The following RBM44 variants were observed in gnomAD, a reference collection of about 807,000 sequenced individuals.
RBM44 encodes the protein RNA binding motif protein 44.
RBM44 carries 66 observed loss-of-function variants against 105.1 expected under a neutral mutation model. That is an observed-to-expected ratio of 0.63 (90% CI 0.52 to 0.77). RBM44 has a LOEUF of 0.77. RBM44 is among the 30% of genes least tolerant of loss of function. RBM44 has a pLI of 0.00. For synonymous variants in RBM44, 365 were observed against 417.6 expected (o/e 0.87, Z 1.54); for missense variants, 1,122 against 1,207.8 (o/e 0.93, Z 1.05).
At chr2:237,826,142 CTT>C (rs546321519) in intron 10 of RBM44, among the ~76,000 whole-genome samples, 1 of 152,036 alleles carries the variant, frequency 6.6e-6, no homozygotes, top group African/African-American at 2.4e-5. Context: ...TTAGGCTACT[CTT>C]ATATATTATT....
intron 1 of RBM44, among the ~76,000 whole-genome samples, chr2:237,813,248 C>T (rs2150973555): frequency 6.6e-6 from 1 of 152,114 alleles, no homozygotes; most frequent in East Asian, 1.9e-4. Context: ...TTCTTTCATT[C>T]AGCAAGTTTT....
chr2:237,833,681 G>A (rs1023892234), intron 13 of RBM44, among the ~76,000 whole-genome samples: 3 of 152,154 alleles, frequency 2.0e-5, no homozygotes, highest in Non-Finnish European at 4.4e-5. Flanking sequence ...ATCTTTGAGA[G>A]AATTGAGAAA....
At chr2:237,822,074 T>C (rs993013066) in intron 8 of RBM44, among the ~76,000 whole-genome samples, 1 of 151,668 alleles carries the variant, frequency 6.6e-6, no homozygotes. Flanking sequence ...ACTTTTGAGG[T>C]TGAAAGAGTG....
At chr2:237,821,673 TA>T in intron 7 of RBM44, 69 bp from the exon 8 acceptor site, 3 of 1,040,526 alleles carry the variant, frequency 2.9e-6, no homozygotes, top group East Asian at 4.9e-5. Flanking sequence ...ATATACATTG[TA>T]GTTAACTATA....
At chr2:237,820,077 A>G in intron 4 of RBM44, 98 bp from the exon 5 acceptor site, 1 of 595,390 alleles carries the variant, frequency 1.7e-6, no homozygotes, top group South Asian at 3.3e-5. Context: ...TAAACTTGAC[A>G]GGGAAATATA....
At position 237,817,982 on chromosome 2, in the gene RBM44, C is replaced by T. The variant is rs2061739499; in HGVS notation, c.1063C>T (p.Leu355Phe). Reference sequence around the variant, plus strand: ...TGTTGAGAACAAAATATTACTGCACCTTGAAAATCCTAGCACATTACCACA... The same window carrying T: ...TGTTGAGAACAAAATATTACTGCACTTTGAAAATCCTAGCACATTACCACA... ...KIVENKILLH[L>F]ENPSTLPQDK... Residue 355 changes from leucine (L) to phenylalanine (F), a missense_variant, in exon 3 of 16, where the codon CTT becomes TTT. By Grantham distance (22) the Leu-to-Phe change is conservative. This residue lies in a region of RBM44 where 918 missense variants were observed against 955.3 expected (regional missense o/e 0.96). Coordinates refer to ENST00000316997, the MANE Select transcript of RBM44 (RefSeq NM_001080504.3). The T allele has an allele frequency of 6.2e-7, 1 of 1,612,062 alleles. No homozygotes were observed. The highest frequency in any genetic ancestry group is 8.5e-7 in the Non-Finnish European group (1 of 1,179,146).
intron 2 of RBM44, 74 bp downstream of exon 2, chr2:237,813,756 C>T: frequency 2.1e-6 from 2 of 959,578 alleles, no homozygotes; most frequent in South Asian, 1.4e-5. Flanking sequence ...ACAGTTTGCC[C>T]TTCAGGTTGC....
At chr2:237,813,083 T>C (rs189962784) in intron 1 of RBM44, among the ~76,000 whole-genome samples, 5 of 152,158 alleles carry the variant, frequency 3.3e-5, no homozygotes, top group Admixed American at 3.3e-4. Flanking sequence ...TCTTAGAACA[T>C]TTTTATCCCC....
In RBM44 at chr2:237,813,819, C is replaced by T. The variant is rs77848835; in HGVS notation, c.73+137C>T. The T allele has an allele frequency of 8.8e-3, 5,288 of 602,894 alleles. 187 individuals are homozygous for T. The highest frequency in any genetic ancestry group is 0.085 in the African/African-American group (4,507 of 53,130). The allele number at this position is 602,894 out of a possible 1,614,324, so 37.3% of individuals were successfully genotyped here. ...GTGGTAAGACTCAGTATATTTTTAA[C>T]TTGCCAAATTGACTCAGGTGATTTT... On this transcript the variant is annotated intron_variant, in intron 2 of 15. Transcript: ENST00000316997.
chr2:237,823,864 G>T (rs930997890), intron 9 of RBM44, among the ~76,000 whole-genome samples: 4 of 152,086 alleles, frequency 2.6e-5, no homozygotes, highest in African/African-American at 9.7e-5. Context: ...CATGAAAAGA[G>T]ATTATGATCA....
intron 13 of RBM44, 43 bp from the exon 14 acceptor site, chr2:237,833,954 G>T: frequency 8.5e-7 from 1 of 1,171,256 alleles, no homozygotes; most frequent in Non-Finnish European, 1.2e-6. Flanking sequence ...TTTATGTAAT[G>T]GTCCTTACTG....
chr2:237,822,129 T>C (rs1243988869), intron 8 of RBM44, among the ~76,000 whole-genome samples: 2 of 152,070 alleles, frequency 1.3e-5, no homozygotes, highest in African/African-American at 4.8e-5. Context: ...TGGACTGTCC[T>C]GGGCAAACAA....
At chr2:237,815,735 T>C (rs1055034617) in intron 2 of RBM44, among the ~76,000 whole-genome samples, 27 of 152,122 alleles carry the variant, frequency 1.8e-4, no homozygotes, top group Non-Finnish European at 2.4e-4. Flanking sequence ...AAAAAAAATC[T>C]TTTGAAAACC....
intron 12 of RBM44, among the ~76,000 whole-genome samples, chr2:237,827,898 T>G (rs1309094416): frequency 1.3e-5 from 2 of 152,144 alleles, no homozygotes; most frequent in African/African-American, 2.4e-5. Flanking sequence ...AACCTTTCTG[T>G]ACCTCAGCCT....
Position 237,827,302 on chromosome 2 carries a change from T to C in RBM44, c.2502T>C (p.Val834=). ...SQRDKGYLIH[V]GGLCPSVSEA... is the part of the protein sequence containing the mutation. ...GAGATAAAGGTTATTTGATACATGTTGGTGGCCTCTGCCCTTCAGTATCTG... is the reference window on the plus strand; with the variant it reads ...GAGATAAAGGTTATTTGATACATGTCGGTGGCCTCTGCCCTTCAGTATCTG... Residue 834 remains valine (V), a synonymous_variant, in exon 11 of 16, where the codon GTT becomes GTC. Coordinates refer to ENST00000316997, the MANE Select transcript of RBM44 (RefSeq NM_001080504.3). 1 of 1,592,998 alleles carries C rather than the reference T, an allele frequency of 6.3e-7. No homozygotes were observed. Among genetic ancestry groups the C allele is most frequent in the South Asian group, 1.1e-5 (1 of 88,324 alleles).
At chr2:237,832,185 C>G (rs1476069620) in intron 13 of RBM44, among the ~76,000 whole-genome samples, 1 of 148,148 alleles carries the variant, frequency 6.8e-6, no homozygotes, top group Non-Finnish European at 1.5e-5. Context: ...GACAGGATCT[C>G]ACTCTGTCAC....
At chr2:237,829,905 C>G (rs1386602996) in intron 13 of RBM44, among the ~76,000 whole-genome samples, 2 of 152,126 alleles carry the variant, frequency 1.3e-5, no homozygotes, top group Admixed American at 6.5e-5. Context: ...GGTAAACACC[C>G]TGTGAAAAGT....
At position 237,818,710 on chromosome 2, in the gene RBM44, GGGGAGTAAATTAAAAA is replaced by G. The variant is rs995257298; in HGVS notation, c.1677+132_1677+147del. ...GCTTTTGTGAGAAGATGCTAGATGAGGGGAGTAAATTAAAAAGGGAGTAAATTAAAAAGTAAATTAA... is the reference window on the plus strand; with the variant it reads ...GCTTTTGTGAGAAGATGCTAGATGAGGGGAGTAAATTAAAAAGTAAATTAA... On this transcript the variant is annotated intron_variant, in intron 3 of 15. Transcript: ENST00000316997. This position sits in a 1 kb window ranked among gnomAD's most constrained non-coding sequence, Gnocchi z 4.6. 50 of 733,758 alleles carry G rather than the reference GGGGAGTAAATTAAAAA, an allele frequency of 6.8e-5. No individual in the cohort carries two copies. The highest frequency in any genetic ancestry group is 3.3e-4 in the African/African-American group (18 of 55,348). 45.5% of individuals were successfully genotyped at this position (733,758 alleles called of 1,614,324 possible).
At chr2:237,819,178 A>G (rs2061756147) in intron 4 of RBM44, among the ~76,000 whole-genome samples, 1 of 152,058 alleles carries the variant, frequency 6.6e-6, no homozygotes, top group Non-Finnish European at 1.5e-5. Context: ...TCAGAAACTC[A>G]TGGCATCTAA....
Sources: allele counts gnomAD v4.1 joint callset (sites outside exome capture counted in the v4.1 genomes callset), GRCh38; gene constraint gnomAD v4.1.1; regional missense constraint gnomAD v4.1.1; non-coding constraint Gnocchi (gnomAD v3.1); transcripts MANE v1.5; gene names NCBI Gene and HGNC (gene_info 2026-07-23, HGNC 2026-07-21).